The following DPP10 variants were observed in gnomAD, a reference collection of about 807,000 sequenced individuals.
DPP10 encodes the protein inactive dipeptidyl peptidase 10.
DPP10 carries 33 observed loss-of-function variants against 120.9 expected under a neutral mutation model. The observed-to-expected ratio is 0.27, with a 90% CI of 0.21 to 0.37. The LOEUF (loss-of-function observed/expected upper bound fraction) is 0.37, where lower values mean the gene tolerates loss of function less well. Ranked by LOEUF, DPP10 falls within the 10% of genes least tolerant of loss-of-function variation. The pLI, the probability that DPP10 is intolerant of heterozygous loss-of-function variation, is 1.00. For missense variants in DPP10, 816 were observed against 942.8 expected, an observed-to-expected ratio of 0.87 and a Z score of 1.76; for synonymous variants, 337 against 326.1, an observed-to-expected ratio of 1.03 and a Z score of -0.36.
intron 5 of DPP10, among the ~76,000 whole-genome samples, chr2:115,678,466 G>T (rs2090432629): frequency 6.6e-6 from 1 of 152,232 alleles, no homozygotes. Context: ...TAGTCCTGCA[G>T]GTGTTCATAA....
At chr2:115,093,285 A>G (rs1709432597) in intron 1 of DPP10, among the ~76,000 whole-genome samples, 1 of 152,162 alleles carries the variant, frequency 6.6e-6, no homozygotes, top group African/African-American at 2.4e-5. Flanking sequence ...TATAGTCACA[A>G]CAGTGTGCAT....
At position 115,689,734 on chromosome 2, in the gene DPP10, C is replaced by T. The variant is rs2091204770; in HGVS notation, c.489C>T (p.His163=). The change falls in exon 6 of 26, where the codon CAC becomes CAT. Residue 163 remains histidine, a synonymous_variant. Coordinates refer to ENST00000410059, the MANE Select transcript of DPP10 (RefSeq NM_020868.6). ...YTASYVIYNI[H]TREVWELNPP... ...CTTCATATGTGATTTACAACATACA[C>T]ACTAGGTAAGTTCTTTGATTTTCTA... The T allele has an allele frequency of 6.3e-7, 1 of 1,598,652 alleles. No homozygotes were observed. Among genetic ancestry groups the T allele is most frequent in the Non-Finnish European group, 8.6e-7 (1 of 1,168,256 alleles).
At chr2:115,133,075 TAAC>T (rs2050439117) in intron 1 of DPP10, among the ~76,000 whole-genome samples, 2 of 145,330 alleles carry the variant, frequency 1.4e-5, no homozygotes, top group African/African-American at 5.1e-5. Context: ...CCTAAAATCT[TAAC>T]AGAGCAAAAT....
chr2:114,891,286 A>G (rs573969149), intron 1 of DPP10, among the ~76,000 whole-genome samples: 1 of 152,260 alleles, frequency 6.6e-6, no homozygotes, highest in African/African-American at 2.4e-5. Context: ...TCAAGGGAAA[A>G]ACGCACCGTG....
chr2:115,815,222 A>C (rs955122579), intron 20 of DPP10, among the ~76,000 whole-genome samples: 30 of 152,146 alleles, frequency 2.0e-4, no homozygotes, highest in African/African-American at 7.2e-4. Flanking sequence ...GATTTATGGA[A>C]GTTGGATACA....
intron 5 of DPP10, among the ~76,000 whole-genome samples, chr2:115,641,338 C>T (rs537127868): frequency 3.3e-5 from 5 of 152,276 alleles, no homozygotes; most frequent in Admixed American, 2.0e-4. Flanking sequence ...TTGTCCTCAC[C>T]TGTTTTCCCA....
intron 1 of DPP10, among the ~76,000 whole-genome samples, chr2:114,955,527 C>G (rs1173519727): frequency 1.3e-5 from 2 of 152,196 alleles, no homozygotes; most frequent in African/African-American, 4.8e-5. Context: ...TAAAAAGAAA[C>G]TAATACTAAT....
chr2:114,965,114 G>A (rs1266756221), intron 1 of DPP10, among the ~76,000 whole-genome samples: 1 of 151,944 alleles, frequency 6.6e-6, no homozygotes, highest in Non-Finnish European at 1.5e-5. Context: ...AGTGGTAAGA[G>A]TTCAGTTTGG....
chr2:115,749,467 G>C (rs1472783424), intron 10 of DPP10, among the ~76,000 whole-genome samples: 1 of 152,004 alleles, frequency 6.6e-6, no homozygotes, highest in Non-Finnish European at 1.5e-5. Context: ...ATTTAACATG[G>C]TCATTTTGCC....
chr2:114,451,235 A>G, intron 1 of DPP10, among the ~76,000 whole-genome samples: 1 of 152,018 alleles, frequency 6.6e-6, no homozygotes, highest in Non-Finnish European at 1.5e-5. Context: ...GAAAGAACAA[A>G]CTCAGAACAG....
In DPP10 at chr2:115,246,474, T is replaced by C. The variant is rs548767018; in HGVS notation, c.61-62765T>C. 1.5e-4 allele frequency among the ~76,000 whole-genome samples: 23 copies of C among 152,236 alleles called. No homozygotes were observed. In the South Asian group the frequency reaches 3.9e-3, roughly 26 times the overall value. On this transcript the variant is annotated intron_variant, in intron 1 of 25. Transcript: ENST00000410059. ...GTGGATTTTTTCAAGTAGAGGTCTTTCTGAGAACACTGTAAACTGAATGAT... is the reference window on the plus strand; with the variant it reads ...GTGGATTTTTTCAAGTAGAGGTCTTCCTGAGAACACTGTAAACTGAATGAT...
intron 5 of DPP10, among the ~76,000 whole-genome samples, chr2:115,630,851 T>C (rs1381270907): frequency 6.6e-6 from 1 of 152,036 alleles, no homozygotes; most frequent in Admixed American, 6.6e-5. Flanking sequence ...CAGGCATTGA[T>C]ATTGGCCTGA....
intron 1 of DPP10, among the ~76,000 whole-genome samples, chr2:115,187,629 A>G (rs1258551186): frequency 1.3e-5 from 2 of 152,146 alleles, no homozygotes; most frequent in African/African-American, 4.8e-5. Flanking sequence ...ACTTCCAGAG[A>G]GAGCTGGAAA....
chr2:115,344,591 A>G (rs932972661), intron 3 of DPP10, among the ~76,000 whole-genome samples: 1 of 151,798 alleles, frequency 6.6e-6, no homozygotes, highest in African/African-American at 2.4e-5. Context: ...GGCAAATAGG[A>G]CTCCTTAGGT....
intron 5 of DPP10, among the ~76,000 whole-genome samples, chr2:115,529,336 G>C (rs1324622063): frequency 6.6e-6 from 1 of 151,738 alleles, no homozygotes; most frequent in Non-Finnish European, 1.5e-5. Context: ...CGCCCAGCTA[G>C]TTTTGTGTTT....
intron 3 of DPP10, among the ~76,000 whole-genome samples, chr2:115,490,347 T>C (rs567686308): frequency 6.6e-5 from 10 of 152,204 alleles, no homozygotes; most frequent in African/African-American, 2.4e-4. Flanking sequence ...TCAGACCTTG[T>C]GAGAACTCAC....
intron 5 of DPP10, among the ~76,000 whole-genome samples, chr2:115,560,581 A>T (rs2080580336): frequency 1.4e-5 from 2 of 146,880 alleles, no homozygotes; most frequent in South Asian, 4.4e-4. Context: ...CCGACCTCCC[A>T]CCTAGGTAGT....
chr2:115,389,299 A>ACT lies in DPP10; in HGVS notation c.271+45389_271+45390dup, dbSNP rs1553577180. 2.7e-5 allele frequency among the ~76,000 whole-genome samples: 4 copies of ACT among 150,464 alleles called. No homozygotes were observed. In the East Asian group the frequency reaches 5.9e-4, roughly 22 times the overall value. ...CACAAACACACACACACACACACACACTCATACTCATTCTACTTCATTTCA... is the reference window on the plus strand; with the variant it reads ...CACAAACACACACACACACACACACACTCTCATACTCATTCTACTTCATTTCA... On this transcript the variant is annotated intron_variant, in intron 3 of 25. Coordinates refer to ENST00000410059, the MANE Select transcript of DPP10 (RefSeq NM_020868.6).
chr2:114,865,036 A>G (rs1690115376), intron 1 of DPP10, among the ~76,000 whole-genome samples: 1 of 152,254 alleles, frequency 6.6e-6, no homozygotes, highest in Non-Finnish European at 1.5e-5. Flanking sequence ...CCTAGATTTG[A>G]AAAGTGGGGA....
Sources: allele counts gnomAD v4.1 joint callset (sites outside exome capture counted in the v4.1 genomes callset), GRCh38; gene constraint gnomAD v4.1.1; transcripts MANE v1.5; gene names NCBI Gene and HGNC (gene_info 2026-07-23, HGNC 2026-07-21).